The following PSG9 variants were observed in gnomAD, a reference collection of about 807,000 sequenced individuals.
The protein encoded by PSG9 is pregnancy-specific beta-1-glycoprotein 9.
A neutral mutation model predicts 41.9 loss-of-function variants in PSG9; 49 were observed. The ratio of observed to expected loss-of-function variants is 1.17; its 90% CI spans 0.93 to 1.48. The LOEUF (loss-of-function observed/expected upper bound fraction) is 1.48, where lower values mean the gene tolerates loss of function less well. Ranked by LOEUF, PSG9 falls within the 40% of genes most tolerant of loss-of-function variation. The pLI, the probability that PSG9 is intolerant of heterozygous loss-of-function variation, is 0.00. For synonymous variants in PSG9, 263 were observed against 196.8 expected (o/e 1.34, Z -2.82); for missense variants, 641 against 520.3 (o/e 1.23, Z -2.26).
chr19:43,259,138 G>C lies in PSG9; in HGVS notation c.710-3C>G, dbSNP rs371969444. 1 of 1,589,974 alleles carries C rather than the reference G, an allele frequency of 6.3e-7. No homozygotes were observed. Among genetic ancestry groups the C allele is most frequent in the Non-Finnish European group, 8.5e-7 (1 of 1,173,988 alleles). ...GATGTAGGGGATGGGCAGCTTCGCT[G>C]TGTGGATAACAGAGAGAAGATTGTC... On this transcript the variant is annotated splice_region_variant and splice_polypyrimidine_tract_variant and intron_variant, in intron 3 of 5. Transcript: ENST00000270077.
intron 2 of PSG9, among the ~76,000 whole-genome samples, chr19:43,267,516 G>T (rs1186362070): frequency 6.6e-6 from 1 of 152,154 alleles, no homozygotes; most frequent in Non-Finnish European, 1.5e-5. Flanking sequence ...TGATGTGCTT[G>T]GCTGAGACTG....
chr19:43,261,743 T>C, intron 3 of PSG9, 117 bp downstream of exon 3: 1 of 1,610,670 alleles, frequency 6.2e-7, no homozygotes, highest in East Asian at 2.2e-5. Context: ...TGGCCAGCTT[T>C]GATGTCTAGG....
In PSG9 at chr19:43,266,458, C is replaced by G. The variant is rs545903487; in HGVS notation, c.430+1326G>C. Among the ~76,000 whole-genome samples, 38 of 152,084 alleles carry G rather than the reference C, an allele frequency of 2.5e-4. 1 individual carries two copies. The East Asian group carries it at 6.2e-3, about 25-fold the overall frequency. ...GTGTGTGTCTCTCGCTGGGCCTGTG[C>G]TGGTGTAGGGTGTGAGTGGGGAAAG... On this transcript the variant is annotated intron_variant, in intron 2 of 5. Transcript: ENST00000270077.
intron 2 of PSG9, among the ~76,000 whole-genome samples, chr19:43,265,948 G>A (rs541973952): frequency 1.3e-5 from 2 of 152,196 alleles, no homozygotes; most frequent in African/African-American, 4.8e-5. Context: ...CCTGGGAGGT[G>A]GGCCAGGCCA....
intron 2 of PSG9, among the ~76,000 whole-genome samples, chr19:43,266,233 C>T (rs909376548): frequency 3.3e-5 from 5 of 151,914 alleles, no homozygotes; most frequent in African/African-American, 4.8e-5. Flanking sequence ...GGCCAAAGAG[C>T]TTCAGAGTTA....
rs1968746833 is a variant in PSG9, at chr19:43,262,069, A to C, written c.500T>G (p.Leu167Ter). The change falls in exon 3 of 6, where the codon TTA becomes TGA. Residue 167 changes from leucine to a stop codon, truncating the protein, a stop_gained. Transcript: ENST00000270077. LOFTEE classifies it high-confidence loss of function. ...GTCCAGAGTCTCAGGATCACAGATT[A>C]AGCGCACAGCCTCCATGGCCTCCCT... The part of the protein sequence containing the change: ...NPREAMEAVR[L>*]ICDPETLDAS... The C allele has an allele frequency of 6.2e-7, 1 of 1,613,856 alleles. No individual in the cohort carries two copies. Among genetic ancestry groups the C allele is most frequent in the Non-Finnish European group, 8.5e-7 (1 of 1,179,914 alleles).
intron 2 of PSG9, among the ~76,000 whole-genome samples, chr19:43,264,087 T>C (rs962835052): frequency 2.0e-5 from 3 of 152,034 alleles, no homozygotes; most frequent in South Asian, 2.1e-4. Context: ...TCTCCCCACA[T>C]GCAGAACTCC....
chr19:43,258,986 T>C lies in PSG9; in HGVS notation c.859A>G (p.Lys287Glu). ...GQSLPVSPGV[K>E]RPIENRILIL... is the part of the protein sequence containing the mutation. ...AGTATCCTGTTTTCAATGGGTCGCT[T>C]TACCCCGGGACTGACGGGGAGGCTC... Residue 287 changes from lysine (K) to glutamate (E), a missense_variant, in exon 4 of 6, where the codon AAG becomes GAG. Physicochemically the swap from Lys to Glu is moderately conservative, Grantham distance 56. Transcript: ENST00000270077. 2 of 1,590,638 alleles carry C rather than the reference T, an allele frequency of 1.3e-6. No homozygotes were observed. Among genetic ancestry groups the C allele is most frequent in the Non-Finnish European group, 1.7e-6 (2 of 1,174,484 alleles).
At chr19:43,262,237 A>G in intron 2 of PSG9, 99 bp from the exon 3 acceptor site, 1 of 1,532,352 alleles carries the variant, frequency 6.5e-7, no homozygotes, top group Non-Finnish European at 8.8e-7. Context: ...TCTCAGCCCA[A>G]CCCAGTCCTT....
chr19:43,258,617 G>C (rs1175574826), intron 4 of PSG9, among the ~76,000 whole-genome samples, 161 bp from the exon 5 acceptor site: 1 of 146,256 alleles, frequency 6.8e-6, no homozygotes, highest in Non-Finnish European at 1.5e-5. Flanking sequence ...GTATTCACCT[G>C]TTTCTCCCAT....
chr19:43,260,632 T>C (rs1158350579), intron 3 of PSG9: 1 of 147,284 alleles, frequency 6.8e-6, no homozygotes, highest in Non-Finnish European at 1.5e-5. Context: ...TCATCAGAAC[T>C]TTCCACCTTT....
chr19:43,263,507 G>T (rs1222743985), intron 2 of PSG9, among the ~76,000 whole-genome samples: 13 of 151,824 alleles, frequency 8.6e-5, no homozygotes, highest in Admixed American at 5.2e-4. Flanking sequence ...TTCTGGATTT[G>T]GGATGCTCAA....
intron 1 of PSG9, 111 bp downstream of exon 1, chr19:43,269,255 CAG>C: frequency 6.4e-7 from 1 of 1,557,160 alleles, no homozygotes; most frequent in Non-Finnish European, 8.8e-7. Context: ...CCACCCACCT[CAG>C]CCTCCCTAAG....
chr19:43,258,714 C>A, intron 4 of PSG9, 143 bp downstream of exon 4: 5 of 1,417,544 alleles, frequency 3.5e-6, no homozygotes, highest in Non-Finnish European at 3.7e-6. Context: ...CCAGGTTTTC[C>A]CAGGGCAGGG....
At chr19:43,269,071 C>A (rs985094532) in intron 1 of PSG9, among the ~76,000 whole-genome samples, 7 of 151,904 alleles carry the variant, frequency 4.6e-5, no homozygotes, top group African/African-American at 7.3e-5. Flanking sequence ...GTGGCGGTAT[C>A]TCGGCTAGCT....
intron 2 of PSG9, among the ~76,000 whole-genome samples, chr19:43,264,715 G>T (rs1968887537): frequency 6.6e-6 from 1 of 152,208 alleles, no homozygotes; most frequent in East Asian, 1.9e-4. Context: ...GCCTCCCAAA[G>T]TGCTGGGATT....
chr19:43,266,388 C>G (rs1370679292), intron 2 of PSG9, among the ~76,000 whole-genome samples: 1 of 151,752 alleles, frequency 6.6e-6, no homozygotes, highest in Non-Finnish European at 1.5e-5. Context: ...TTGGATCATT[C>G]ATTTCTTCAT....
At chr19:43,267,140 A>G (rs1039673892) in intron 2 of PSG9, among the ~76,000 whole-genome samples, 10 of 152,084 alleles carry the variant, frequency 6.6e-5, no homozygotes, top group African/African-American at 2.4e-4. Context: ...AAGCCTCCCA[A>G]GGCAGTTGGC....
chr19:43,259,236 C>G (rs1599823210), intron 3 of PSG9, 101 bp from the exon 4 acceptor site: 1 of 1,502,926 alleles, frequency 6.7e-7, no homozygotes, highest in Admixed American at 2.0e-5. Context: ...TCAGCCCACC[C>G]GAGTCCTTGA....
Sources: allele counts gnomAD v4.1 joint callset (sites outside exome capture counted in the v4.1 genomes callset), GRCh38; gene constraint gnomAD v4.1.1; transcripts MANE v1.5; gene names NCBI Gene and HGNC (gene_info 2026-07-23, HGNC 2026-07-21).